The following ZWILCH variants were observed in gnomAD, a reference collection of about 807,000 sequenced individuals.
The protein encoded by ZWILCH is zwilch kinetochore protein, also known as protein zwilch homolog.
ZWILCH carries 74 observed loss-of-function variants against 79.9 expected under a neutral mutation model. The ratio of observed to expected loss-of-function variants is 0.93; its 90% CI spans 0.77 to 1.12. The LOEUF (loss-of-function observed/expected upper bound fraction) is 1.12, where lower values mean the gene tolerates loss of function less well. Ranked by LOEUF, ZWILCH falls within the 50% of genes most tolerant of loss-of-function variation. The probability of loss-of-function intolerance (pLI) is 0.00; values close to 1 mark genes in which losing one functional copy is unlikely to be tolerated. For synonymous variants in ZWILCH, 241 were observed against 228.2 expected (o/e 1.06, Z -0.51); for missense variants, 694 against 687.5 (o/e 1.01, Z -0.11).
At chr15:66,509,401 C>G (rs1212132521) in intron 2 of ZWILCH, among the ~76,000 whole-genome samples, 2 of 152,118 alleles carry the variant, frequency 1.3e-5, no homozygotes, top group African/African-American at 4.8e-5. Flanking sequence ...TTACCTTTTC[C>G]AGAATATCCT....
chr15:66,531,733 G>A (rs1894858174), intron 12 of ZWILCH, among the ~76,000 whole-genome samples: 1 of 151,346 alleles, frequency 6.6e-6, no homozygotes, highest in East Asian at 2.0e-4. Context: ...TGGAATTACA[G>A]GTGTAAACCA....
At chr15:66,509,864 T>C (rs1472154186) in intron 2 of ZWILCH, among the ~76,000 whole-genome samples, 1 of 98,882 alleles carries the variant, frequency 1.0e-5, no homozygotes, top group Non-Finnish European at 2.1e-5. Context: ...TATATATATA[T>C]ATATATCTCT....
chr15:66,517,291 T>C (rs1894301061), intron 4 of ZWILCH, among the ~76,000 whole-genome samples: 2 of 151,584 alleles, frequency 1.3e-5, no homozygotes, highest in South Asian at 2.1e-4. Context: ...TAGATAGATA[T>C]ATGCAAAGCA....
rs774786799 is a variant in ZWILCH, at chr15:66,532,289, C to A, written c.1198C>A (p.Gln400Lys). ...CAGTTTACTAAGTAAGCTCATTCAT[C>A]AGTCTTATCATGGAACCATGGACAC... ...SNSLLSKLIH[Q>K]SYHGTMDTVS... is the part of the protein sequence containing the mutation. The change falls in exon 13 of 19, where the codon CAG becomes AAG. Residue 400 changes from glutamine (Q) to lysine (K), a missense_variant. Coordinates refer to ENST00000307897, the MANE Select transcript of ZWILCH (RefSeq NM_017975.5). The A allele has an allele frequency of 1.2e-6, 2 of 1,604,842 alleles. No homozygotes were observed. Among genetic ancestry groups the A allele is most frequent in the Non-Finnish European group, 1.7e-6 (2 of 1,176,026 alleles).
chr15:66,523,184 G>A (rs530986545), intron 7 of ZWILCH, among the ~76,000 whole-genome samples: 8 of 152,162 alleles, frequency 5.3e-5, no homozygotes, highest in Non-Finnish European at 1.2e-4. Context: ...TGGCATATAC[G>A]TTTTTCTTTT....
chr15:66,509,843 ATATATATATATATATATATATATATATC>A (rs928933611), intron 2 of ZWILCH, among the ~76,000 whole-genome samples: 16 of 74,262 alleles, frequency 2.2e-4, no homozygotes, highest in African/African-American at 6.6e-4. Flanking sequence ...ATATATATAT[ATATATATATATATATATATATATATATC>A]TCTTAAAAAT....
intron 2 of ZWILCH, among the ~76,000 whole-genome samples, chr15:66,512,422 A>T (rs1360382445): frequency 6.4e-5 from 9 of 140,976 alleles, no homozygotes; most frequent in Admixed American, 7.1e-5. Context: ...ATACCTGGCT[A>T]TTTTTTTTTT....
At chr15:66,542,655 A>G (rs767669865) in intron 17 of ZWILCH, among the ~76,000 whole-genome samples, 10 of 152,206 alleles carry the variant, frequency 6.6e-5, no homozygotes, top group Non-Finnish European at 1.0e-4. Flanking sequence ...TAATAGCTCA[A>G]TAGAAAAATT....
At position 66,529,491 on chromosome 15, in the gene ZWILCH, A is replaced by T. The variant is rs762124153; in HGVS notation, c.1076-3A>T. 2 of 1,611,540 alleles carry T rather than the reference A, an allele frequency of 1.2e-6. No homozygotes were observed. Among genetic ancestry groups the T allele is most frequent in the East Asian group, 4.5e-5 (2 of 44,860 alleles). ...ATAATGTTACACTGACTTGTTTTCC[A>T]AGGTGTGATTTCATACCAAGACTTG... On this transcript the variant is annotated splice_polypyrimidine_tract_variant and splice_region_variant and intron_variant, in intron 11 of 18. Transcript: ENST00000307897.
At position 66,521,315 on chromosome 15, in the gene ZWILCH, G is replaced by A. The variant is rs1894487099; in HGVS notation, c.747+110G>A. On this transcript the variant is annotated intron_variant, in intron 7 of 18. Transcript: ENST00000307897. ...TAGCCTTGGCACTTGCTGAGTGTGA[G>A]CTTGGACAACTCTGAAAGGCCCACC... is the stretch of plus-strand genomic sequence containing the variant. The A allele has an allele frequency of 4.6e-6, 6 of 1,315,556 alleles. No individual in the cohort carries two copies. The South Asian group carries it at 7.0e-5, about 15-fold the overall frequency. The allele number at this position is 1,315,556 out of a possible 1,614,324, so 81.5% of individuals were successfully genotyped here.
intron 2 of ZWILCH, among the ~76,000 whole-genome samples, chr15:66,511,572 A>T (rs1894066542): frequency 6.6e-6 from 1 of 151,684 alleles, no homozygotes; most frequent in African/African-American, 2.4e-5. Context: ...GTAAGATCTT[A>T]TGTTTCACTG....
chr15:66,520,644 G>A lies in ZWILCH; in HGVS notation c.575G>A (p.Arg192Lys). 1 of 1,554,892 alleles carries A rather than the reference G, an allele frequency of 6.4e-7. No individual in the cohort carries two copies. Among genetic ancestry groups the A allele is most frequent in the Non-Finnish European group, 8.8e-7 (1 of 1,131,636 alleles). ...LENLKNLHKK[R>K]HHLSTVTSKG... ...AACCTAAAAAATTTACACAAGAAAAGACATCACTTGTCTACTGTAAGTGTT... is the reference window on the plus strand; with the variant it reads ...AACCTAAAAAATTTACACAAGAAAAAACATCACTTGTCTACTGTAAGTGTT... Residue 192 changes from arginine to lysine, a missense_variant, in exon 6 of 19, where the codon AGA becomes AAA. Transcript: ENST00000307897.
At chr15:66,541,994 G>C (rs1344988278) in intron 17 of ZWILCH, among the ~76,000 whole-genome samples, 2 of 152,096 alleles carry the variant, frequency 1.3e-5, no homozygotes, top group Non-Finnish European at 2.9e-5. Flanking sequence ...AACTATAAAA[G>C]TCATAACCAA....
At chr15:66,542,216 C>G (rs911749875) in intron 17 of ZWILCH, among the ~76,000 whole-genome samples, 1 of 151,848 alleles carries the variant, frequency 6.6e-6, no homozygotes, top group African/African-American at 2.4e-5. Flanking sequence ...TTTGGGAGGC[C>G]GAGGTGGGCG....
chr15:66,536,627 T>G (rs1895023797), intron 15 of ZWILCH, among the ~76,000 whole-genome samples: 1 of 152,234 alleles, frequency 6.6e-6, no homozygotes, highest in Admixed American at 6.5e-5. Context: ...ACTGGGTTTC[T>G]TTTCCCTCTG....
chr15:66,517,430 G>GTGTGTGTGTGTGTGTATA, intron 4 of ZWILCH, among the ~76,000 whole-genome samples: 2 of 66,526 alleles, frequency 3.0e-5, no homozygotes, highest in African/African-American at 6.1e-5. Flanking sequence ...GTGTGTGTGT[G>GTGTGTGTGTGTGTGTATA]TATATATATA....
chr15:66,520,534 T>C, intron 5 of ZWILCH, 56 bp from the exon 6 acceptor site: 1 of 887,558 alleles, frequency 1.1e-6, no homozygotes, highest in Non-Finnish European at 1.8e-6. Context: ...GTTTTGTAGC[T>C]CTGACAATGT....
At chr15:66,525,210 C>G (rs1894629878) in intron 8 of ZWILCH, among the ~76,000 whole-genome samples, 1 of 152,190 alleles carries the variant, frequency 6.6e-6, no homozygotes, top group Admixed American at 6.5e-5. Flanking sequence ...CCACTACGTA[C>G]TACTATAGCT....
At chr15:66,513,345 T>A (rs1017919080) in intron 2 of ZWILCH, among the ~76,000 whole-genome samples, 1 of 151,870 alleles carries the variant, frequency 6.6e-6, no homozygotes, top group Non-Finnish European at 1.5e-5. Context: ...GTGGGAGGAC[T>A]GCTTGAGGCC....
Sources: allele counts gnomAD v4.1 joint callset (sites outside exome capture counted in the v4.1 genomes callset), GRCh38; gene constraint gnomAD v4.1.1; transcripts MANE v1.5; gene names NCBI Gene and HGNC (gene_info 2026-07-23, HGNC 2026-07-21).